The following CAMK1D variants were observed in gnomAD, a reference collection of about 807,000 sequenced individuals.
The protein encoded by CAMK1D is calcium/calmodulin-dependent protein kinase type 1D.
Under a neutral mutation model 47.7 loss-of-function variants are expected in CAMK1D, and 9 were observed. The ratio of observed to expected loss-of-function variants is 0.19; its 90% CI spans 0.11 to 0.33. The LOEUF is 0.33. Among genes scored for constraint, CAMK1D ranks in the 10% least tolerant of loss-of-function variants. CAMK1D has a pLI of 1.00. For missense variants in CAMK1D, 291 were observed against 488.7 expected (o/e 0.60, Z 3.81); for synonymous variants, 184 against 184.9 (o/e 0.99, Z 0.04).
chr10:12,362,943 CTT>C (rs397809296), intron 1 of CAMK1D, among the ~76,000 whole-genome samples: 27 of 135,222 alleles, frequency 2.0e-4, no homozygotes, highest in Non-Finnish European at 2.2e-4. Flanking sequence ...CCCGCCCGGC[CTT>C]TTTTTTTTTT....
At position 12,567,063 on chromosome 10, in the gene CAMK1D, G is replaced by A. The variant is rs145668753; in HGVS notation, c.224+13707G>A. The stretch of plus-strand genomic sequence containing the variant: ...GAGAGGCTTTGCTCTCATTTGAGGT[G>A]TATCTAATGATTGTGGCCCAGTGTG... On this transcript the variant is annotated intron_variant, in intron 2 of 10. Coordinates refer to ENST00000619168, the MANE Select transcript of CAMK1D (RefSeq NM_153498.4). Among the ~76,000 whole-genome samples, 11 of 152,274 alleles carry A rather than the reference G, an allele frequency of 7.2e-5. 1 individual carries two copies. In the East Asian group the frequency reaches 1.9e-3, roughly 27 times the overall value.
rs200785225 is a variant in CAMK1D, at chr10:12,601,272, A to G, written c.224+47916A>G. ...TACAAGCATTCCATGTCCTGTAAAT[A>G]ATGTGAGCAAGTTTTCATTGCATGA... On this transcript the variant is annotated intron_variant, in intron 2 of 10. Transcript: ENST00000619168. Among the ~76,000 whole-genome samples the G allele has an allele frequency of 7.3e-5, 11 of 150,886 alleles. No individual in the cohort carries two copies. The East Asian group carries it at 1.6e-3, about 22-fold the overall frequency.
intron 10 of CAMK1D, among the ~76,000 whole-genome samples, chr10:12,827,611 C>CT (rs1331727783): frequency 6.3e-5 from 5 of 79,154 alleles, no homozygotes; most frequent in South Asian, 5.7e-4. Flanking sequence ...CCTTCCCCTC[C>CT]CCTCCTCTCT....
intron 3 of CAMK1D, among the ~76,000 whole-genome samples, chr10:12,727,427 A>C (rs1445421517): frequency 6.6e-6 from 1 of 152,224 alleles, no homozygotes. Flanking sequence ...GTGACTGCCT[A>C]AGGAATTTGT....
chr10:12,694,064 A>T (rs1459382684), intron 3 of CAMK1D, among the ~76,000 whole-genome samples: 1 of 62,456 alleles, frequency 1.6e-5, no homozygotes, highest in Non-Finnish European at 2.7e-5. Flanking sequence ...TTATATATAT[A>T]ATATATAAAA....
At chr10:12,673,913 C>T (rs976497684) in intron 3 of CAMK1D, among the ~76,000 whole-genome samples, 12 of 152,038 alleles carry the variant, frequency 7.9e-5, no homozygotes, top group East Asian at 1.9e-4. Context: ...CAGTGGTTTA[C>T]GCTCCTGAGA....
chr10:12,579,976 A>G (rs1385565595), intron 2 of CAMK1D, among the ~76,000 whole-genome samples: 3 of 152,194 alleles, frequency 2.0e-5, no homozygotes, highest in Admixed American at 6.5e-5. Flanking sequence ...ACTCTCAGCC[A>G]GGGTGGAATC....
At chr10:12,805,518 G>C (rs1185007943) in intron 6 of CAMK1D, among the ~76,000 whole-genome samples, 1 of 151,696 alleles carries the variant, frequency 6.6e-6, no homozygotes, top group East Asian at 2.0e-4. Context: ...TTACAGGCGT[G>C]CGCCACCATG....
chr10:12,760,869 G>T, intron 3 of CAMK1D, 79 bp from the exon 4 acceptor site: 7 of 1,508,434 alleles, frequency 4.6e-6, no homozygotes, highest in Non-Finnish European at 6.4e-6. Flanking sequence ...ATAAAGTTTG[G>T]GATTTTTTTC....
In CAMK1D at chr10:12,440,218, C is replaced by G. The variant is rs990232139; in HGVS notation, c.92+90308C>G. ...AAACTCTTCATAAAAGTCTTACTTG[C>G]ATTATGTTGTAATTATGAAACAGTA... On this transcript the variant is annotated intron_variant, in intron 1 of 10. Transcript: ENST00000619168. Among the ~76,000 whole-genome samples the G allele has an allele frequency of 2.6e-5, 4 of 152,052 alleles. No homozygotes were observed. The East Asian group carries it at 7.7e-4, about 29-fold the overall frequency.
chr10:12,392,354 CA>C (rs1356916297), intron 1 of CAMK1D, among the ~76,000 whole-genome samples: 2 of 151,816 alleles, frequency 1.3e-5, no homozygotes, highest in Non-Finnish European at 2.9e-5. Context: ...ACAAAACCCC[CA>C]CAACTCCTCC....
At chr10:12,546,052 A>G (rs528440672) in intron 1 of CAMK1D, among the ~76,000 whole-genome samples, 1 of 152,322 alleles carries the variant, frequency 6.6e-6, no homozygotes, top group African/African-American at 2.4e-5. Context: ...AGGTTTAGAA[A>G]GGCTTTGAAT....
chr10:12,722,428 C>A (rs1254436187), intron 3 of CAMK1D, among the ~76,000 whole-genome samples: 2 of 73,748 alleles, frequency 2.7e-5, no homozygotes, highest in Non-Finnish European at 4.8e-5. Context: ...GCCTGGGCAA[C>A]AAAGTGAGAC....
chr10:12,591,327 C>G (rs778371529), intron 2 of CAMK1D, among the ~76,000 whole-genome samples: 1 of 152,134 alleles, frequency 6.6e-6, no homozygotes, highest in Non-Finnish European at 1.5e-5. Flanking sequence ...TAATTTTTGT[C>G]GTGACTTCCA....
intron 6 of CAMK1D, among the ~76,000 whole-genome samples, chr10:12,799,224 A>G (rs898641975): frequency 6.6e-6 from 1 of 152,196 alleles, no homozygotes; most frequent in Non-Finnish European, 1.5e-5. Flanking sequence ...CTTGCCGTCC[A>G]CGTTCCAAGG....
At chr10:12,442,040 T>C (rs998146453) in intron 1 of CAMK1D, among the ~76,000 whole-genome samples, 1 of 152,200 alleles carries the variant, frequency 6.6e-6, no homozygotes, top group Admixed American at 6.5e-5. Flanking sequence ...TTTCAAGTTA[T>C]AAAAGACAAT....
At chr10:12,533,571 C>G (rs533868154) in intron 1 of CAMK1D, among the ~76,000 whole-genome samples, 1 of 152,262 alleles carries the variant, frequency 6.6e-6, no homozygotes, top group South Asian at 2.1e-4. Context: ...CCTTTTGAGT[C>G]TTTAGTGCCA....
At position 12,480,381 on chromosome 10, in the gene CAMK1D, G is replaced by GAA. The variant is rs1167921072; in HGVS notation, c.93-72844_93-72843insAA. On this transcript the variant is annotated intron_variant, in intron 1 of 10. Coordinates refer to ENST00000619168, the MANE Select transcript of CAMK1D (RefSeq NM_153498.4). The stretch of plus-strand genomic sequence containing the variant: ...ACCCGGGAGGCGGAGGTTGCAGTGA[G>GAA]CCGAGATCGCGCCACTGCACTCCAG... 6.0e-3 allele frequency among the ~76,000 whole-genome samples: 920 copies of GAA among 152,206 alleles called. 15 individuals are homozygous for GAA. The highest frequency in any genetic ancestry group is 0.021 in the African/African-American group (864 of 41,516).
intron 1 of CAMK1D, among the ~76,000 whole-genome samples, chr10:12,492,793 G>T (rs1834425490): frequency 6.6e-6 from 1 of 152,214 alleles, no homozygotes; most frequent in East Asian, 1.9e-4. Context: ...ACCTGTATGT[G>T]TGAGCCTCCA....
Sources: gnomAD v4.1 joint callset for allele counts (sites outside exome capture counted in the v4.1 genomes callset) on GRCh38, gnomAD v4.1.1 for gene constraint, MANE v1.5 for transcripts, NCBI Gene and HGNC (gene_info 2026-07-23, HGNC 2026-07-21) for gene names.